The following NIN variants were observed in gnomAD, a reference collection of about 807,000 sequenced individuals.
NIN encodes glycogen synthase kinase 3 beta-interacting protein.
Under a neutral mutation model 257.6 loss-of-function variants are expected in NIN, and 137 were observed. That is an observed-to-expected ratio of 0.53 (90% confidence interval 0.46 to 0.61). The LOEUF is 0.61. Ranked by LOEUF, NIN falls within the 20% of genes least tolerant of loss-of-function variation. The pLI is 0.00. For synonymous variants in NIN, 918 were observed against 919.8 expected (o/e 1.00, Z 0.04); for missense variants, 2,439 against 2,501.2 (o/e 0.98, Z 0.53).
Position 50,752,512 on chromosome 14 carries a change from C to T in NIN, c.4950+6G>A, listed in dbSNP as rs768865589. The T allele has an allele frequency of 5.0e-6, 8 of 1,608,522 alleles. No individual in the cohort carries two copies. The South Asian group carries it at 7.8e-5, about 16-fold the overall frequency. On this transcript the variant is annotated splice_donor_region_variant and intron_variant, in intron 21 of 30. Transcript: ENST00000530997. ...AAAAAAGCTGTCAGGTGGCTACAGG[C>T]CATACCTGCACTTTACAACGTTCCA...
chr14:50,800,198 A>G (rs1484384719), intron 4 of NIN, among the ~76,000 whole-genome samples: 1 of 152,198 alleles, frequency 6.6e-6, no homozygotes, highest in African/African-American at 2.4e-5. Flanking sequence ...TTCATAGCAC[A>G]GTTTAATAGC....
At chr14:50,786,223 C>T (rs1249178230) in intron 5 of NIN, among the ~76,000 whole-genome samples, 1 of 152,192 alleles carries the variant, frequency 6.6e-6, no homozygotes, top group Non-Finnish European at 1.5e-5. Context: ...AAATACCTTT[C>T]CTGCTCCTCA....
rs374261194 is a variant in NIN at position 50,758,391 on chromosome 14, A to G, written c.2639T>C (p.Leu880Pro). ...CAGAGAAGTTGTTTTCTCTCTCTTA[A>G]GAGTCTCTTTCAGCAGCTCCTGGGC... is the stretch of plus-strand genomic sequence containing the variant. The part of the protein sequence containing the change: ...AEAQELLKET[L>P]KREKTTSLVL... The change falls in exon 18 of 31, where the codon CTT becomes CCT. Residue 880 changes from leucine to proline, a missense_variant. Transcript: ENST00000530997. 1 of 1,613,934 alleles carries G rather than the reference A, an allele frequency of 6.2e-7. No individual in the cohort carries two copies. Among genetic ancestry groups the G allele is most frequent in the African/African-American group, 1.3e-5 (1 of 74,920 alleles).
chr14:50,818,146 AC>A (rs2045010896), intron 3 of NIN, among the ~76,000 whole-genome samples: 1 of 150,052 alleles, frequency 6.7e-6, no homozygotes, highest in African/African-American at 2.4e-5. Flanking sequence ...ACATGGTGAA[AC>A]CCTGTCTCTA....
Position 50,772,409 on chromosome 14 carries a change from G to A in NIN, c.873C>T (p.Gly291=). 1 of 1,614,166 alleles carries A rather than the reference G, an allele frequency of 6.2e-7. No homozygotes were observed. Among genetic ancestry groups the A allele is most frequent in the Non-Finnish European group, 8.5e-7 (1 of 1,180,014 alleles). Residue 291 remains glycine (G), a synonymous_variant, in exon 9 of 31, where the codon GGC becomes GGT. Coordinates refer to ENST00000530997, the MANE Select transcript of NIN (RefSeq NM_020921.4). ...CATCCAGGCAGGAGAAGACCCGAAA[G>A]CCAATGGTACTTGTCATTGCTGATG... ...TTSSAMTSTI[G]FRVFSCLDDG...
intron 30 of NIN, among the ~76,000 whole-genome samples, chr14:50,724,463 A>G (rs2040339061): frequency 6.6e-6 from 1 of 152,180 alleles, no homozygotes; most frequent in Non-Finnish European, 1.5e-5. Flanking sequence ...TCAAGCTCAG[A>G]ACCTAGATGA....
chr14:50,749,986 C>G (rs1425951012), intron 21 of NIN, among the ~76,000 whole-genome samples: 1 of 152,138 alleles, frequency 6.6e-6, no homozygotes, highest in Non-Finnish European at 1.5e-5. Flanking sequence ...AGCCACTATA[C>G]CTGGCTGGTA....
chr14:50,770,925 G>A lies in NIN; in HGVS notation c.1186C>T (p.Leu396Phe). 2 of 1,614,188 alleles carry A rather than the reference G, an allele frequency of 1.2e-6. No homozygotes were observed. Among genetic ancestry groups the A allele is most frequent in the Non-Finnish European group, 1.7e-6 (2 of 1,180,024 alleles). The change falls in exon 11 of 31, where the codon CTC (leucine) becomes TTC (phenylalanine). Residue 396 changes from leucine (L) to phenylalanine (F), a missense_variant. This residue lies in a region of NIN where 2,043 missense variants were observed against 2,050.2 expected (regional missense o/e 1.00). Transcript: ENST00000530997. Reference protein sequence around the residue: ...LRSDLDKAEKLKSLMASEVDD... With the variant: ...LRSDLDKAEKFKSLMASEVDD... ...ACCTCCGAGGCCATTAAAGACTTGAGCTTCTCGGCCTTGTCCAGATCTGAC... is the reference window on the plus strand; with the variant it reads ...ACCTCCGAGGCCATTAAAGACTTGAACTTCTCGGCCTTGTCCAGATCTGAC...
At chr14:50,777,597 T>C (rs1244057945) in intron 6 of NIN, among the ~76,000 whole-genome samples, 1 of 152,092 alleles carries the variant, frequency 6.6e-6, no homozygotes, top group East Asian at 1.9e-4. Flanking sequence ...AATAATTTCA[T>C]GATAAAAGTC....
Position 50,744,197 on chromosome 14 carries a change from G to C in NIN, c.5187+46C>G, listed in dbSNP as rs778247502. 4 of 1,601,478 alleles carry C rather than the reference G, an allele frequency of 2.5e-6. No homozygotes were observed. In the Admixed American group the frequency reaches 5.0e-5, roughly 20 times the overall value. On this transcript the variant is annotated intron_variant, in intron 23 of 30. Coordinates refer to ENST00000530997, the MANE Select transcript of NIN (RefSeq NM_020921.4). ...TGTCCACAGAGAAAGGTTCATTATG[G>C]TGTGTATTGTATACGATGATGGTAA...
Position 50,747,979 on chromosome 14 carries a change from CACACAGCCTT to C in NIN, c.5064+3_5064+12del. ...TTGTTCTGTGAACCCCCCTTAGCTG[CACACAGCCTT>C]ACCTGTTTCATTTTCTCCAGTTCAT... On this transcript the variant is annotated splice_donor_5th_base_variant and intron_variant, in intron 22 of 30. Transcript: ENST00000530997. 6.4e-7 allele frequency: 1 copy of C among 1,569,478 alleles called. No individual in the cohort carries two copies. The highest frequency in any genetic ancestry group is 8.8e-7 in the Non-Finnish European group (1 of 1,139,276).
chr14:50,796,698 A>G (rs557021670), intron 4 of NIN, among the ~76,000 whole-genome samples: 2 of 152,302 alleles, frequency 1.3e-5, no homozygotes, highest in South Asian at 4.1e-4. Flanking sequence ...CTCAGAGTAG[A>G]TAAGCCAGCT....
chr14:50,727,809 G>A (rs2040486270), intron 29 of NIN: 1 of 1,384,612 alleles, frequency 7.2e-7, no homozygotes, highest in South Asian at 1.1e-5. Context: ...GTTTTTAGGG[G>A]GAGTCTAAAT....
chr14:50,770,731 G>T, intron 11 of NIN, 121 bp downstream of exon 11: 1 of 1,362,858 alleles, frequency 7.3e-7, no homozygotes, highest in Non-Finnish European at 9.9e-7. Context: ...ACTCCAGCAA[G>T]GTGTGGCCAA....
At chr14:50,749,521 TTATTAA>T (rs1330571528) in intron 21 of NIN, among the ~76,000 whole-genome samples, 1 of 152,216 alleles carries the variant, frequency 6.6e-6, no homozygotes, top group Non-Finnish European at 1.5e-5. Flanking sequence ...AAACTTCTGC[TTATTAA>T]TTTTAACATC....
chr14:50,813,214 C>T (rs2044720262), intron 3 of NIN, among the ~76,000 whole-genome samples: 1 of 152,186 alleles, frequency 6.6e-6, no homozygotes, highest in African/African-American at 2.4e-5. Flanking sequence ...TCCAAGGGAG[C>T]TTTACTATTG....
At chr14:50,818,459 T>C (rs1018812935) in intron 3 of NIN, among the ~76,000 whole-genome samples, 3 of 152,144 alleles carry the variant, frequency 2.0e-5, no homozygotes, top group Non-Finnish European at 4.4e-5. Context: ...ACAATTAGTA[T>C]GATTGCTTGG....
Position 50,763,908 on chromosome 14 carries a change from T to C in NIN, c.1692A>G (p.Gln564=), listed in dbSNP as rs765703098. The C allele has an allele frequency of 6.2e-7, 1 of 1,614,140 alleles. No individual in the cohort carries two copies. The highest frequency in any genetic ancestry group is 1.1e-5 in the South Asian group (1 of 91,082). The change falls in exon 15 of 31, where the codon CAA becomes CAG. Residue 564 remains glutamine, a synonymous_variant. Transcript: ENST00000530997. Reference sequence around the variant, plus strand: ...TCAACGGAAGCCTGAGCACTCTGCCTTGTGCACGATATTCTTCCAGCTCAG... The same window carrying C: ...TCAACGGAAGCCTGAGCACTCTGCCCTGTGCACGATATTCTTCCAGCTCAG... ...LQSELEEYRA[Q]GRVLRLPLKN...
chr14:50,764,022 C>A, intron 14 of NIN, 58 bp from the exon 15 acceptor site: 1 of 1,459,202 alleles, frequency 6.9e-7, no homozygotes, highest in Admixed American at 1.7e-5. Flanking sequence ...TAAGCAACAA[C>A]AACAACAAAA....
Sources: gnomAD v4.1 joint callset for allele counts (sites outside exome capture counted in the v4.1 genomes callset) on GRCh38, gnomAD v4.1.1 for gene constraint, gnomAD v4.1.1 regional missense constraint, MANE v1.5 for transcripts, NCBI Gene and HGNC (gene_info 2026-07-23, HGNC 2026-07-21) for gene names.